The following PDS5A variants were observed in gnomAD, a reference collection of about 807,000 sequenced individuals.
The protein encoded by PDS5A is sister chromatid cohesion protein PDS5 homolog A.
PDS5A carries 42 observed loss-of-function variants against 167.1 expected under a neutral mutation model. That is an observed-to-expected ratio of 0.25 (90% CI 0.20 to 0.33). The LOEUF (loss-of-function observed/expected upper bound fraction) is 0.33. Ranked by LOEUF, PDS5A falls within the 10% of genes least tolerant of loss-of-function variation. The pLI is 1.00. For synonymous variants in PDS5A, 553 were observed against 554.6 expected (o/e 1.00, Z 0.04); for missense variants, 1,033 against 1,605.9 (o/e 0.64, Z 6.10).
chr4:39,924,374 T>C (rs755645256), intron 5 of PDS5A, among the ~76,000 whole-genome samples: 19 of 152,254 alleles, frequency 1.2e-4, no homozygotes, highest in Non-Finnish European at 2.2e-4. Context: ...AAGGTTTATA[T>C]GTTCTATCAT....
In PDS5A at chr4:39,862,071, G is replaced by A. The variant is rs987897479; in HGVS notation, c.3086+148C>T. 6 of 370,504 alleles carry A rather than the reference G, an allele frequency of 1.6e-5. No homozygotes were observed. The South Asian group carries it at 3.0e-4, about 18-fold the overall frequency. The allele number at this position is 370,504 out of a possible 1,614,324, so 23.0% of individuals were successfully genotyped here. On this transcript the variant is annotated intron_variant, in intron 26 of 32. Coordinates refer to ENST00000303538, the MANE Select transcript of PDS5A (RefSeq NM_001100399.2). ...GTAGATGGGAAAATTTTTGAAAGAC[G>A]AAACTGGAAATTTATAATAAATGAA...
intron 2 of PDS5A, chr4:39,933,042 C>A (rs897948035): frequency 6.6e-6 from 1 of 152,252 alleles, no homozygotes. Flanking sequence ...GTGGCAGGTG[C>A]CTGTAGTCCC....
chr4:39,884,538 C>G (rs550542115), intron 17 of PDS5A, among the ~76,000 whole-genome samples: 1 of 152,334 alleles, frequency 6.6e-6, no homozygotes, highest in South Asian at 2.1e-4. Context: ...TGCTACCGCA[C>G]AGAAACTGCT....
chr4:39,846,193 TCCA>T (rs1213788883), intron 28 of PDS5A: 1 of 165,660 alleles, frequency 6.0e-6, no homozygotes, highest in African/African-American at 2.4e-5. Context: ...TTCACTGAAT[TCCA>T]CCACATCATA....
At chr4:39,938,679 T>C (rs1156480538) in intron 2 of PDS5A, among the ~76,000 whole-genome samples, 1 of 151,906 alleles carries the variant, frequency 6.6e-6, no homozygotes, top group Admixed American at 6.6e-5. Context: ...AATGAAATAC[T>C]ATATAAGTTA....
intron 32 of PDS5A, chr4:39,837,071 A>C (rs1433863704): frequency 7.1e-6 from 1 of 141,562 alleles, no homozygotes; most frequent in African/African-American, 2.7e-5. Flanking sequence ...ACCTCAGGTG[A>C]TCCACCCACC....
Position 39,921,238 on chromosome 4 carries a change from T to C in PDS5A, c.655-839A>G, listed in dbSNP as rs567190581. ...TGCTGTTGTAGCATGAAAGCAGATA[T>C]AAACAAAACGAAAACGAATGAACAT... On this transcript the variant is annotated intron_variant, in intron 6 of 32. Coordinates refer to ENST00000303538, the MANE Select transcript of PDS5A (RefSeq NM_001100399.2). Among the ~76,000 whole-genome samples, 5 of 152,232 alleles carry C rather than the reference T, an allele frequency of 3.3e-5. No homozygotes were observed. In the South Asian group the frequency reaches 1.0e-3, roughly 32 times the overall value.
intron 17 of PDS5A, among the ~76,000 whole-genome samples, chr4:39,883,821 G>A (rs139459657): frequency 1.2e-3 from 180 of 151,922 alleles, no homozygotes; most frequent in Admixed American, 6.6e-3. Context: ...GTAGAGATAG[G>A]GTTTTGCCAT....
intron 4 of PDS5A, among the ~76,000 whole-genome samples, chr4:39,926,174 T>C (rs1454975731): frequency 2.6e-5 from 4 of 152,046 alleles, no homozygotes; most frequent in Admixed American, 6.5e-5. Context: ...TATATTTCCA[T>C]ACAAAATTTA....
chr4:39,845,915 C>T, intron 28 of PDS5A, 35 bp from the exon 29 acceptor site: 1 of 1,290,560 alleles, frequency 7.7e-7, no homozygotes, highest in Middle Eastern at 2.8e-4. Context: ...AAAAAAGAAA[C>T]ACCAATCAAA....
At chr4:39,931,316 A>C (rs1726041925) in intron 2 of PDS5A, among the ~76,000 whole-genome samples, 1 of 152,074 alleles carries the variant, frequency 6.6e-6, no homozygotes. Flanking sequence ...AGGCTAAAAA[A>C]ATTTTTTTTA....
chr4:39,920,419 T>C lies in PDS5A; in HGVS notation c.655-20A>G, dbSNP rs776987172. The C allele has an allele frequency of 8.8e-7, 1 of 1,132,978 alleles. No homozygotes were observed. The highest frequency in any genetic ancestry group is 1.5e-5 in the African/African-American group (1 of 65,028). The allele number at this position is 1,132,978 out of a possible 1,614,324, so 70.2% of individuals were successfully genotyped here. A position where few individuals can be genotyped will look rare whatever the true frequency, so the allele number is the denominator to read the frequency against. On this transcript the variant is annotated intron_variant, in intron 6 of 32. Coordinates refer to ENST00000303538, the MANE Select transcript of PDS5A (RefSeq NM_001100399.2). ...TAAGTTCTGAAAAATAATAAAAACA[T>C]GGAAAGTTACAAATAAATGTTAATT...
chr4:39,957,492 A>G (rs1229992053), intron 2 of PDS5A, among the ~76,000 whole-genome samples: 2 of 152,148 alleles, frequency 1.3e-5, no homozygotes, highest in African/African-American at 4.8e-5. Context: ...GACAGCATCA[A>G]TTAGAAATGG....
At position 39,855,617 on chromosome 4, in the gene PDS5A, G is replaced by A. The variant is rs142258305; in HGVS notation, c.3087-5965C>T. On this transcript the variant is annotated intron_variant, in intron 26 of 32. Coordinates refer to ENST00000303538, the MANE Select transcript of PDS5A (RefSeq NM_001100399.2). ...AGATAATCATATGTATGAACAAGTA[G>A]AGAATACTGATAAAGAGACAGAAAT... is the stretch of plus-strand genomic sequence containing the variant. Among the ~76,000 whole-genome samples, 60 of 152,284 alleles carry A rather than the reference G, an allele frequency of 3.9e-4. 1 individual carries two copies. The highest frequency in any genetic ancestry group is 1.3e-3 in the African/African-American group (55 of 41,570).
chr4:39,852,713 T>C (rs1037987137), intron 26 of PDS5A, among the ~76,000 whole-genome samples: 1 of 152,164 alleles, frequency 6.6e-6, no homozygotes. Context: ...CTAGGAAGCT[T>C]GTGCCATTTG....
At chr4:39,951,898 C>CAAAAAAAAAAAAAAAAA (rs1161911794) in intron 2 of PDS5A, among the ~76,000 whole-genome samples, 2 of 68,816 alleles carry the variant, frequency 2.9e-5, no homozygotes, top group African/African-American at 6.3e-5. Context: ...GAGTCTGTCT[C>CAAAAAAAAAAAAAAAAA]AAAAAAAAAA....
intron 16 of PDS5A, among the ~76,000 whole-genome samples, chr4:39,893,803 T>C (rs1443749648): frequency 6.6e-6 from 1 of 152,196 alleles, no homozygotes; most frequent in Non-Finnish European, 1.5e-5. Context: ...AGTCACACAA[T>C]GCTAATATAA....
In PDS5A at chr4:39,910,294, A is replaced by C; in HGVS notation, c.1037T>G (p.Phe346Cys). 1 of 1,588,970 alleles carries C rather than the reference A, an allele frequency of 6.3e-7. No homozygotes were observed. Among genetic ancestry groups the C allele is most frequent in the Non-Finnish European group, 8.6e-7 (1 of 1,161,198 alleles). ...HVPVRLESVKFASHCLMNHPD... is the reference protein window; with the variant it reads ...HVPVRLESVKCASHCLMNHPD... Reference sequence around the variant, plus strand: ...GTGATTCATTAAACAATGACTGGCAAATTTCACACTTTCTAATCTCACAGG... The same window carrying C: ...GTGATTCATTAAACAATGACTGGCACATTTCACACTTTCTAATCTCACAGG... The change falls in exon 10 of 33, where the codon TTT becomes TGT. Residue 346 changes from phenylalanine to cysteine, a missense_variant. Around this residue, in one of 4 missense-constraint regions of PDS5A, gnomAD observed 388 missense variants for 615.1 expected, o/e 0.63. Transcript: ENST00000303538.
intron 27 of PDS5A, 67 bp downstream of exon 27, chr4:39,849,453 A>AAAC (rs1717926064): frequency 1.7e-6 from 2 of 1,163,538 alleles, no homozygotes; most frequent in Non-Finnish European, 2.4e-6. Context: ...AAAAAAAAAA[A>AAAC]AAACCAAGTG....
Sources: allele counts gnomAD v4.1 joint callset (sites outside exome capture counted in the v4.1 genomes callset), GRCh38; gene constraint gnomAD v4.1.1; regional missense constraint gnomAD v4.1.1; transcripts MANE v1.5; gene names NCBI Gene and HGNC (gene_info 2026-07-23, HGNC 2026-07-21).